TLE6: variants seen among roughly 807,000 people sequenced by gnomAD.
The protein encoded by TLE6 is TLE family member 6, subcortical maternal complex member, also known as transducin-like enhancer protein 6.
TLE6 carries 72 observed loss-of-function variants against 77.1 expected under a neutral mutation model. That is an observed-to-expected ratio of 0.93 (90% CI 0.77 to 1.14). The LOEUF is 1.14. Ranked by LOEUF, TLE6 falls within the 50% of genes most tolerant of loss-of-function variation. The pLI, the probability that TLE6 is intolerant of heterozygous loss-of-function variation, is 0.00. For synonymous variants in TLE6, 366 were observed against 287.3 expected (o/e 1.27, Z -2.77); for missense variants, 843 against 747.6 (o/e 1.13, Z -1.49).
chr19:2,978,312 C>T lies in TLE6; in HGVS notation c.51+28C>T, dbSNP rs139841055. On this transcript the variant is annotated intron_variant, in intron 2 of 16. Transcript: ENST00000246112. ...GAGGAGGGCATGTGGTGGGATCAGC[C>T]CTCAAGGGAAACCCGGGCCCAATGT... 1.3e-4 allele frequency: 203 copies of T among 1,550,750 alleles called. 2 individuals carry two copies. In the East Asian group the frequency reaches 4.9e-3, roughly 38 times the overall value.
Position 2,992,065 on chromosome 19 carries a change from G to A in TLE6, c.1386+81G>A, listed in dbSNP as rs374256021. On this transcript the variant is annotated intron_variant, in intron 14 of 16. Transcript: ENST00000246112. ...AAAAATGAGGTTGAGGCCGGGCTCC[G>A]TGGCTCACGCCTATAATCCTAGCAC... 3.4e-5 allele frequency: 53 copies of A among 1,537,596 alleles called. 1 individual carries two copies. In the African/African-American group the frequency reaches 4.2e-4, roughly 12 times the overall value.
chr19:2,987,583 C>T, intron 8 of TLE6, 141 bp from the exon 9 acceptor site: 1 of 1,132,638 alleles, frequency 8.8e-7, no homozygotes, highest in Non-Finnish European at 1.3e-6. Context: ...TATACCCTGA[C>T]TCTCTCTCTG....
rs1243201966 is a variant in TLE6 at position 2,979,315 on chromosome 19, C to T, written c.52-785C>T. Among the ~76,000 whole-genome samples the T allele has an allele frequency of 2.0e-5, 3 of 151,732 alleles. No homozygotes were observed. In the East Asian group the frequency reaches 5.8e-4, roughly 30 times the overall value. ...AGGCTGGAGTGCAGTGGCGCGATCT[C>T]GGCTCACTGCAACCTCCACCTCCCA... On this transcript the variant is annotated intron_variant, in intron 2 of 16. Transcript: ENST00000246112.
chr19:2,989,154 A>G lies in TLE6; in HGVS notation c.834A>G (p.Glu278=), dbSNP rs2088982933. ...SKRLAVPCKL[E]KMRILAHGEL... ...GACTCGCCGTCCCGTGCAAACTGGA[A>G]AAGATGCGGATCTTGGCACACGGGG... Residue 278 remains glutamate (E), a synonymous_variant, in exon 12 of 17, where the codon GAA becomes GAG. Coordinates refer to ENST00000246112, the MANE Select transcript of TLE6 (RefSeq NM_001143986.2). 1 of 1,614,068 alleles carries G rather than the reference A, an allele frequency of 6.2e-7. No individual in the cohort carries two copies. Among genetic ancestry groups the G allele is most frequent in the South Asian group, 1.1e-5 (1 of 91,096 alleles).
chr19:2,978,250 A>G lies in TLE6; in HGVS notation c.17A>G (p.Gln6Arg), dbSNP rs935925792. The change falls in exon 2 of 17, where the codon CAG becomes CGG. Residue 6 changes from glutamine to arginine, a missense_variant. Gln to Arg is a conservative substitution (Grantham distance 43). Transcript: ENST00000246112. MTSRD[Q>R]PRPKGPPKST... ...GCCTTGAAGATGACCTCTAGGGACCAGCCCAGACCCAAGGGCCCCCCGAAA... is the reference window on the plus strand; with the variant it reads ...GCCTTGAAGATGACCTCTAGGGACCGGCCCAGACCCAAGGGCCCCCCGAAA... 6.4e-7 allele frequency: 1 copy of G among 1,551,528 alleles called. No homozygotes were observed. Among genetic ancestry groups the G allele is most frequent in the Non-Finnish European group, 8.7e-7 (1 of 1,146,968 alleles).
At chr19:2,989,395 G>A (rs911417213) in intron 12 of TLE6, 82 bp downstream of exon 12, 43 of 1,587,402 alleles carry the variant, frequency 2.7e-5, no homozygotes, top group Admixed American at 5.2e-5. Context: ...AGCCCAGATC[G>A]TGGAGAGAGG....
chr19:2,986,976 G>A lies in TLE6; in HGVS notation c.286-7G>A, dbSNP rs756140063. The A allele has an allele frequency of 1.2e-5, 19 of 1,604,560 alleles. No individual in the cohort carries two copies. The highest frequency in any genetic ancestry group is 6.7e-5 in the South Asian group (6 of 89,982). On this transcript the variant is annotated splice_region_variant and splice_polypyrimidine_tract_variant and intron_variant, in intron 6 of 16. Coordinates refer to ENST00000246112, the MANE Select transcript of TLE6 (RefSeq NM_001143986.2). ...AAGCTCTCACTGCCTTGTTCCTGCC[G>A]GGCCAGGTCTCACCTGCTGAACCAG...
At chr19:2,980,041 G>A (rs1420851738) in intron 2 of TLE6, 59 bp from the exon 3 acceptor site, 19 of 1,364,844 alleles carry the variant, frequency 1.4e-5, no homozygotes, top group East Asian at 7.7e-5. Context: ...GGTGGAGACC[G>A]GGGGTCTTGG....
At chr19:2,981,659 C>T in intron 4 of TLE6, 76 bp downstream of exon 4, 1 of 1,447,508 alleles carries the variant, frequency 6.9e-7, no homozygotes, top group Non-Finnish European at 9.5e-7. Context: ...CCCGGCCCTG[C>T]CTCCTGAGTG....
At chr19:2,990,357 G>T (rs553072258) in intron 13 of TLE6, among the ~76,000 whole-genome samples, 1 of 151,572 alleles carries the variant, frequency 6.6e-6, no homozygotes, top group Non-Finnish European at 1.5e-5. Flanking sequence ...ACTCCCAGCA[G>T]TTAGGGAGGC....
intron 8 of TLE6, 33 bp downstream of exon 8, chr19:2,987,405 G>A (rs200029295): frequency 6.2e-7 from 1 of 1,612,666 alleles, no homozygotes; most frequent in Non-Finnish European, 8.5e-7. Flanking sequence ...ATCCAGAGGG[G>A]TGGGCTTCCG....
chr19:2,989,667 C>T lies in TLE6; in HGVS notation c.1126C>T (p.Pro376Ser), dbSNP rs1379315031. Reference protein sequence around the residue: ...APSLHVKEQLPCAGLNCQALD... With the variant: ...APSLHVKEQLSCAGLNCQALD... ...CTCCCTGCATGTGAAGGAGCAGTTG[C>T]CCTGTGCAGGTCTCAACTGCCAGGC... The change falls in exon 13 of 17, where the codon CCC becomes TCC. Residue 376 changes from proline (P) to serine (S), a missense_variant. Coordinates refer to ENST00000246112, the MANE Select transcript of TLE6 (RefSeq NM_001143986.2). 1 of 1,614,208 alleles carries T rather than the reference C, an allele frequency of 6.2e-7. No homozygotes were observed. The highest frequency in any genetic ancestry group is 8.5e-7 in the Non-Finnish European group (1 of 1,180,036).
rs540578671 is a variant in TLE6, at chr19:2,991,604, G to T, written c.1245-239G>T. The stretch of plus-strand genomic sequence containing the variant: ...GGTGGACTCAGGGTGGAAGAGGCAA[G>T]GGGAGGCCTAGGTGAGGCCAAGGGG... On this transcript the variant is annotated intron_variant, in intron 13 of 16. Transcript: ENST00000246112. Among the ~76,000 whole-genome samples, 47 of 141,736 alleles carry T rather than the reference G, an allele frequency of 3.3e-4. No homozygotes were observed. The East Asian group carries it at 7.6e-3, about 23-fold the overall frequency. The allele number at this position is 141,736 out of a possible 152,430, so 93.0% of individuals were successfully genotyped here.
In TLE6 at chr19:2,994,953, C is replaced by T. The variant is rs1568223085; in HGVS notation, c.1668C>T (p.Leu556=). The T allele has an allele frequency of 1.4e-5, 23 of 1,609,578 alleles. No individual in the cohort carries two copies. In the East Asian group the frequency reaches 1.8e-4, roughly 12 times the overall value. Residue 556 remains leucine (L), a synonymous_variant, in exon 17 of 17, where the codon CTC becomes CTT. Transcript: ENST00000246112. Reference sequence around the variant, plus strand: ...GTGACGTCTCTTCCAACAACCGCCTCGTTGTCACAGGCTCCGGGGAGCACG... The same window carrying T: ...GTGACGTCTCTTCCAACAACCGCCTTGTTGTCACAGGCTCCGGGGAGCACG... ...TCCDVSSNNR[L]VVTGSGEHAS...
intron 3 of TLE6, among the ~76,000 whole-genome samples, 198 bp from the exon 4 acceptor site, chr19:2,981,338 ACT>A (rs1264342850): frequency 7.9e-5 from 11 of 139,124 alleles, no homozygotes; most frequent in African/African-American, 1.7e-4. Context: ...CAAGAGTGAG[ACT>A]CTGTCTCAAA....
At chr19:2,982,055 G>A in intron 4 of TLE6, 93 bp from the exon 5 acceptor site, 1 of 1,325,040 alleles carries the variant, frequency 7.5e-7, no homozygotes, top group Non-Finnish European at 1.1e-6. Flanking sequence ...AGGTGGGGGA[G>A]TAGGGGCCAG....
intron 3 of TLE6, among the ~76,000 whole-genome samples, chr19:2,981,171 C>T (rs2088790388): frequency 6.6e-6 from 1 of 151,940 alleles, no homozygotes; most frequent in African/African-American, 2.4e-5. Context: ...CCAGCCTGGC[C>T]ACCATGGTGA....
At chr19:2,978,373 C>G in intron 2 of TLE6, 89 bp downstream of exon 2, 1 of 1,336,050 alleles carries the variant, frequency 7.5e-7, no homozygotes, top group Non-Finnish European at 1.0e-6. Flanking sequence ...CCTGGGCTGG[C>G]CCCGCCCAGG....
At chr19:2,993,252 ACT>A (rs2089125533) in intron 14 of TLE6, among the ~76,000 whole-genome samples, 178 bp from the exon 15 acceptor site, 1 of 151,934 alleles carries the variant, frequency 6.6e-6, no homozygotes, top group African/African-American at 2.4e-5. Context: ...AGTAGGGAAG[ACT>A]CTCCATTTTA....
Sources: allele counts gnomAD v4.1 joint callset (sites outside exome capture counted in the v4.1 genomes callset), GRCh38; gene constraint gnomAD v4.1.1; transcripts MANE v1.5; gene names NCBI Gene and HGNC (gene_info 2026-07-23, HGNC 2026-07-21).